The following GARS1 variants were observed in gnomAD, a reference collection of about 807,000 sequenced individuals.
GARS1 encodes glycine--tRNA ligase.
Under a neutral mutation model 86.4 loss-of-function variants are expected in GARS1, and 46 were observed. The observed-to-expected ratio is 0.53, with a 90% CI of 0.42 to 0.68. The LOEUF is 0.68. GARS1 is among the 30% of genes least tolerant of loss of function. The probability of loss-of-function intolerance (pLI) is 0.00; values close to 1 mark genes in which losing one functional copy is unlikely to be tolerated. For synonymous variants in GARS1, 342 were observed against 329.8 expected, an observed-to-expected ratio of 1.04 and a Z score of -0.40; for missense variants, 797 against 915.6, an observed-to-expected ratio of 0.87 and a Z score of 1.67.
At chr7:30,597,028 C>T (rs1024359776) in intron 1 of GARS1, among the ~76,000 whole-genome samples, 4 of 152,096 alleles carry the variant, frequency 2.6e-5, no homozygotes, top group Admixed American at 6.5e-5. Flanking sequence ...AAGAAAACAA[C>T]GGTTAGTATT....
intron 7 of GARS1, among the ~76,000 whole-genome samples, chr7:30,610,189 A>G (rs1437861154): frequency 6.6e-6 from 1 of 152,246 alleles, no homozygotes; most frequent in East Asian, 1.9e-4. Context: ...TAATGGGTCC[A>G]GTTCTTCTGA....
At chr7:30,622,787 A>G (rs964423024) in intron 12 of GARS1, 9 of 355,956 alleles carry the variant, frequency 2.5e-5, no homozygotes, top group South Asian at 1.7e-4. Context: ...ACTCTCTGTA[A>G]TTGTTTAAGC....
chr7:30,606,867 C>G (rs1426965467), intron 6 of GARS1, among the ~76,000 whole-genome samples: 1 of 152,084 alleles, frequency 6.6e-6, no homozygotes, highest in Non-Finnish European at 1.5e-5. Context: ...AATATAGATA[C>G]TTAATAGTTA....
Position 30,598,803 on chromosome 7 carries a change from T to A in GARS1, c.230T>A (p.Leu77His). ...LRLAVRQQGD[L>H]VRKLKEDKAP... is the part of the protein sequence containing the mutation. Reference sequence around the variant, plus strand: ...ATTCTCTTTCTTGGCTAGGGAGATCTTGTGCGAAAACTCAAAGAAGATAAA... The same window carrying A: ...ATTCTCTTTCTTGGCTAGGGAGATCATGTGCGAAAACTCAAAGAAGATAAA... Residue 77 changes from leucine (L) to histidine (H), a missense_variant, in exon 2 of 17, where the codon CTT becomes CAT. Coordinates refer to ENST00000389266, the MANE Select transcript of GARS1 (RefSeq NM_002047.4). 6.2e-7 allele frequency: 1 copy of A among 1,613,520 alleles called. No homozygotes were observed. Among genetic ancestry groups the A allele is most frequent in the Non-Finnish European group, 8.5e-7 (1 of 1,179,404 alleles).
intron 1 of GARS1, 73 bp downstream of exon 1, chr7:30,595,216 C>G: frequency 7.6e-7 from 1 of 1,317,646 alleles, no homozygotes; most frequent in African/African-American, 1.4e-5. Context: ...ATCCTTCCCT[C>G]CTCCCCGGGG....
intron 6 of GARS1, among the ~76,000 whole-genome samples, chr7:30,605,323 G>A (rs1051720307): frequency 6.6e-6 from 1 of 152,138 alleles, no homozygotes; most frequent in African/African-American, 2.4e-5. Flanking sequence ...TTCTCTGTCT[G>A]TTTTTGTGGC....
intron 8 of GARS1, among the ~76,000 whole-genome samples, chr7:30,614,084 C>G (rs569041079): frequency 6.6e-6 from 1 of 152,174 alleles, no homozygotes; most frequent in African/African-American, 2.4e-5. Flanking sequence ...TGCCTCCTAT[C>G]TATGAGCTGA....
rs374378925 is a variant in GARS1 at position 30,628,614 on chromosome 7, T to C, written c.1754T>C (p.Met585Thr). 3.8e-5 allele frequency: 61 copies of C among 1,613,068 alleles called. No individual in the cohort carries two copies. The Middle Eastern group carries it at 4.9e-4, about 13-fold the overall frequency. The part of the protein sequence containing the change: ...IEPSFGLGRI[M>T]YTVFEHTFHV... ...CCTTCCTTCGGCCTGGGTAGGATCATGTATACGGTATTTGAACATACATTC... is the reference window on the plus strand; with the variant it reads ...CCTTCCTTCGGCCTGGGTAGGATCACGTATACGGTATTTGAACATACATTC... The change falls in exon 14 of 17, where the codon ATG becomes ACG. Residue 585 changes from methionine to threonine, a missense_variant. Physicochemically the swap from Met to Thr is moderately conservative, Grantham distance 81. Coordinates refer to ENST00000389266, the MANE Select transcript of GARS1 (RefSeq NM_002047.4).
intron 3 of GARS1, among the ~76,000 whole-genome samples, chr7:30,600,411 A>G (rs373489146): frequency 7.9e-5 from 12 of 152,334 alleles, no homozygotes; most frequent in African/African-American, 2.9e-4. Flanking sequence ...ACACAGGGGC[A>G]GTGATAAAAC....
chr7:30,618,816 A>G (rs1389491166), intron 10 of GARS1, among the ~76,000 whole-genome samples: 2 of 152,234 alleles, frequency 1.3e-5, no homozygotes, highest in Non-Finnish European at 2.9e-5. Context: ...GTGGAATTAG[A>G]AAGAATTACT....
chr7:30,618,520 G>C (rs1782933507), intron 10 of GARS1, among the ~76,000 whole-genome samples: 1 of 152,116 alleles, frequency 6.6e-6, no homozygotes, highest in Non-Finnish European at 1.5e-5. Flanking sequence ...TGTAGTTTCA[G>C]CTACTTGGGA....
rs920320700 is a variant in GARS1 at position 30,627,118 on chromosome 7, A to G, written c.1699+799A>G. On this transcript the variant is annotated intron_variant, in intron 13 of 16. Coordinates refer to ENST00000389266, the MANE Select transcript of GARS1 (RefSeq NM_002047.4). ...GCACGTATGAAGGATGCTGAAGTTT[A>G]TTTGTGGCTGAATTGAAATTCCTGG... 6.6e-6 allele frequency: 3 copies of G among 455,268 alleles called. No homozygotes were observed. The East Asian group carries it at 2.2e-4, about 33-fold the overall frequency. The allele number at this position is 455,268 out of a possible 1,614,324, so 28.2% of individuals were successfully genotyped here.
chr7:30,616,115 T>C, intron 9 of GARS1, 57 bp downstream of exon 9: 1 of 1,569,768 alleles, frequency 6.4e-7, no homozygotes, highest in South Asian at 1.1e-5. Flanking sequence ...TTGCAGCAAT[T>C]AGCAAATTCT....
intron 13 of GARS1, chr7:30,627,038 A>T: frequency 2.1e-6 from 1 of 466,396 alleles, no homozygotes; most frequent in Non-Finnish European, 4.4e-6. Context: ...TTAAAAGTTA[A>T]GAAGATGTTT....
intron 1 of GARS1, among the ~76,000 whole-genome samples, chr7:30,598,544 A>G (rs1791305950): frequency 6.6e-6 from 1 of 151,946 alleles, no homozygotes; most frequent in South Asian, 2.1e-4. Flanking sequence ...GCCCACCACC[A>G]CGGCCGGCTA....
Position 30,621,519 on chromosome 7 carries a change from C to G in GARS1, c.1467+19C>G. On this transcript the variant is annotated intron_variant, in intron 11 of 16. Coordinates refer to ENST00000389266, the MANE Select transcript of GARS1 (RefSeq NM_002047.4). ...AGAACCCATATCCTTTCTGGTCACTCCAAAAACTCAGGATTCACATGTGAA... is the reference window on the plus strand; with the variant it reads ...AGAACCCATATCCTTTCTGGTCACTGCAAAAACTCAGGATTCACATGTGAA... The G allele has an allele frequency of 1.3e-6, 2 of 1,576,506 alleles. No homozygotes were observed. Among genetic ancestry groups the G allele is most frequent in the Middle Eastern group, 1.7e-4 (1 of 6,008 alleles).
At chr7:30,597,661 G>A (rs1791281788) in intron 1 of GARS1, among the ~76,000 whole-genome samples, 1 of 152,128 alleles carries the variant, frequency 6.6e-6, no homozygotes, top group South Asian at 2.1e-4. Context: ...TCCTCCAAAA[G>A]TATTAGAATA....
At chr7:30,615,061 G>A (rs181242847) in intron 8 of GARS1, among the ~76,000 whole-genome samples, 2 of 152,200 alleles carry the variant, frequency 1.3e-5, no homozygotes, top group South Asian at 2.1e-4. Flanking sequence ...CACTTCTCCC[G>A]CAAATAGCTA....
intron 6 of GARS1, among the ~76,000 whole-genome samples, chr7:30,607,305 C>T (rs1284911811): frequency 6.6e-6 from 1 of 152,094 alleles, no homozygotes; most frequent in Non-Finnish European, 1.5e-5. Context: ...CCCAAATGTC[C>T]ATCAATGATA....
Sources: allele counts gnomAD v4.1 joint callset (sites outside exome capture counted in the v4.1 genomes callset), GRCh38; gene constraint gnomAD v4.1.1; transcripts MANE v1.5; gene names NCBI Gene and HGNC (gene_info 2026-07-23, HGNC 2026-07-21).